The following FBXO40 variants were observed in gnomAD, a reference collection of about 807,000 sequenced individuals.
FBXO40 encodes the protein F-box protein 40.
A neutral mutation model predicts 49.9 loss-of-function variants in FBXO40; 50 were observed. The observed-to-expected ratio is 1.00, with a 90% CI of 0.80 to 1.27. The LOEUF (loss-of-function observed/expected upper bound fraction) is 1.27. Among genes scored for constraint, FBXO40 ranks in the 50% most tolerant of loss-of-function variants. The pLI is 0.00. For missense variants in FBXO40, 895 were observed against 870.1 expected, an observed-to-expected ratio of 1.03 and a Z score of -0.36; for synonymous variants, 340 against 320.2, an observed-to-expected ratio of 1.06 and a Z score of -0.66.
chr3:121,615,276 G>A (rs1219626729), intron 1 of FBXO40, among the ~76,000 whole-genome samples: 1 of 150,400 alleles, frequency 6.6e-6, no homozygotes, highest in Non-Finnish European at 1.5e-5. Context: ...CGCAGCAGAA[G>A]GAGGAACGCT....
chr3:121,617,892 T>G (rs1353116062), intron 1 of FBXO40, among the ~76,000 whole-genome samples: 2 of 151,816 alleles, frequency 1.3e-5, no homozygotes, highest in Non-Finnish European at 2.9e-5. Flanking sequence ...CCCAGCTACT[T>G]GGGAAGCTGA....
chr3:121,598,171 G>A (rs978404516), intron 1 of FBXO40, among the ~76,000 whole-genome samples: 1 of 152,196 alleles, frequency 6.6e-6, no homozygotes, highest in African/African-American at 2.4e-5. Context: ...AATTCTCGTA[G>A]AAAGAGCAGG....
intron 1 of FBXO40, among the ~76,000 whole-genome samples, chr3:121,606,594 T>C (rs1434382243): frequency 2.0e-5 from 3 of 152,304 alleles, no homozygotes; most frequent in Admixed American, 1.3e-4. Flanking sequence ...TGTCCTAGAT[T>C]GATAACATAT....
chr3:121,594,212 T>A (rs937920226), intron 1 of FBXO40, among the ~76,000 whole-genome samples: 1 of 147,580 alleles, frequency 6.8e-6, no homozygotes, highest in South Asian at 2.1e-4. Flanking sequence ...ATTGTTATTA[T>A]TTTTTTGAGA....
intron 1 of FBXO40, among the ~76,000 whole-genome samples, chr3:121,598,485 T>A (rs2048884396): frequency 6.6e-6 from 1 of 152,234 alleles, no homozygotes; most frequent in African/African-American, 2.4e-5. Flanking sequence ...GATTTAGATT[T>A]AAATACTACA....
intron 1 of FBXO40, among the ~76,000 whole-genome samples, chr3:121,618,928 T>C (rs561421863): frequency 6.6e-6 from 1 of 152,256 alleles, no homozygotes; most frequent in African/African-American, 2.4e-5. Flanking sequence ...TTTTTTTTTT[T>C]TTTAAGTTGG....
intron 1 of FBXO40, among the ~76,000 whole-genome samples, chr3:121,595,712 A>G (rs2048867967): frequency 6.6e-6 from 1 of 152,148 alleles, no homozygotes; most frequent in South Asian, 2.1e-4. Context: ...AAGAAGGCAA[A>G]GAGATTACTT....
rs1221099729 is a variant in FBXO40, at chr3:121,622,770, A to G, written c.1341A>G (p.Leu447=). ...QFSSGTVLAD[L]TAATPGGLHV... ...CCTCTGGGACAGTGCTGGCTGACCT[A>G]ACCGCTGCCACCCCAGGGGGACTCC... Residue 447 remains leucine, a synonymous_variant, in exon 3 of 4, where the codon CTA becomes CTG. Transcript: ENST00000338040. 12 of 1,614,058 alleles carry G rather than the reference A, an allele frequency of 7.4e-6. No homozygotes were observed. Among genetic ancestry groups the G allele is most frequent in the Non-Finnish European group, 9.3e-6 (11 of 1,180,034 alleles).
chr3:121,605,342 C>T (rs190887669), intron 1 of FBXO40, among the ~76,000 whole-genome samples: 2 of 152,288 alleles, frequency 1.3e-5, no homozygotes, highest in African/African-American at 4.8e-5. Flanking sequence ...AGATTGGTGC[C>T]ACATATCCAA....
intron 1 of FBXO40, among the ~76,000 whole-genome samples, chr3:121,600,180 G>A (rs2048894973): frequency 7.0e-6 from 1 of 142,170 alleles, no homozygotes; most frequent in Non-Finnish European, 1.5e-5. Context: ...ACAGGCATGT[G>A]TCACACTTGG....
rs1476001221 is a variant in FBXO40 at position 121,621,636 on chromosome 3, A to C, written c.207A>C (p.Glu69Asp). ...AGCAGGTTCCGTGCCTCAACTCCGAATATGGCTGCCCTCTGTCCATGTCCC... is the reference window on the plus strand; with the variant it reads ...AGCAGGTTCCGTGCCTCAACTCCGACTATGGCTGCCCTCTGTCCATGTCCC... ...PLEQVPCLNS[E>D]YGCPLSMSRH... Residue 69 changes from glutamate to aspartate, a missense_variant, in exon 3 of 4, where the codon GAA (glutamate) becomes GAC (aspartate). By Grantham distance (45) the Glu-to-Asp change is conservative (BLOSUM62 2). Transcript: ENST00000338040. 1 of 1,614,104 alleles carries C rather than the reference A, an allele frequency of 6.2e-7. No homozygotes were observed.
intron 1 of FBXO40, among the ~76,000 whole-genome samples, chr3:121,600,242 G>A: frequency 8.4e-6 from 1 of 119,062 alleles, no homozygotes; most frequent in Non-Finnish European, 1.6e-5. Context: ...GTCTTGCTGT[G>A]TTGCCCAGGC....
At chr3:121,611,702 C>T (rs1264811114) in intron 1 of FBXO40, among the ~76,000 whole-genome samples, 1 of 152,236 alleles carries the variant, frequency 6.6e-6, no homozygotes, top group African/African-American at 2.4e-5. Context: ...CAGGCTTTCT[C>T]ATCCCACGAG....
chr3:121,602,553 G>A (rs892517064), intron 1 of FBXO40, among the ~76,000 whole-genome samples: 10 of 152,098 alleles, frequency 6.6e-5, no homozygotes, highest in African/African-American at 2.4e-4. Flanking sequence ...TCTTCTATGT[G>A]TCTCATCTTG....
At chr3:121,619,049 G>A (rs915838145) in intron 1 of FBXO40, among the ~76,000 whole-genome samples, 2 of 151,928 alleles carry the variant, frequency 1.3e-5, no homozygotes, top group South Asian at 4.1e-4. Context: ...AGGCTGGAGT[G>A]CAGTGGTGTC....
intron 1 of FBXO40, among the ~76,000 whole-genome samples, chr3:121,598,640 C>T (rs550672606): frequency 1.1e-4 from 17 of 152,210 alleles, no homozygotes; most frequent in South Asian, 6.2e-4. Flanking sequence ...TGCACTACAC[C>T]GGGTGAGCAA....
Position 121,622,934 on chromosome 3 carries a change from G to A in FBXO40, c.1505G>A (p.Cys502Tyr). ...FKNVHTDIQS[C>Y]LNGWFQHRCP... ...AATGTCCACACAGACATTCAGTCAT[G>A]TCTCAATGGCTGGTTCCAGCATCGA... Residue 502 changes from cysteine (C) to tyrosine (Y), a missense_variant, in exon 3 of 4, where the codon TGT (cysteine) becomes TAT (tyrosine). Coordinates refer to ENST00000338040, the MANE Select transcript of FBXO40 (RefSeq NM_016298.4). 6.2e-7 allele frequency: 1 copy of A among 1,614,224 alleles called. No individual in the cohort carries two copies. The highest frequency in any genetic ancestry group is 8.5e-7 in the Non-Finnish European group (1 of 1,180,036).
At chr3:121,625,491 A>G (rs939200445) in intron 3 of FBXO40, among the ~76,000 whole-genome samples, 5 of 152,240 alleles carry the variant, frequency 3.3e-5, no homozygotes, top group African/African-American at 1.2e-4. Flanking sequence ...TCTCTCTTGT[A>G]TATGTGCCTG....
At chr3:121,610,686 C>T (rs1560129207) in intron 1 of FBXO40, among the ~76,000 whole-genome samples, 1 of 152,124 alleles carries the variant, frequency 6.6e-6, no homozygotes, top group Non-Finnish European at 1.5e-5. Flanking sequence ...GTTGCCCAGG[C>T]TGGGGTGCAG....
Sources: allele counts gnomAD v4.1 joint callset (sites outside exome capture counted in the v4.1 genomes callset), GRCh38; gene constraint gnomAD v4.1.1; transcripts MANE v1.5; gene names NCBI Gene and HGNC (gene_info 2026-07-23, HGNC 2026-07-21).